Variants in OPCML observed in about 807,000 individuals in gnomAD.
OPCML encodes the protein opioid-binding protein/cell adhesion molecule.
Under a neutral mutation model 37.8 loss-of-function variants are expected in OPCML, and 13 were observed. The ratio of observed to expected loss-of-function variants is 0.34; its 90% confidence interval spans 0.22 to 0.55. The LOEUF (loss-of-function observed/expected upper bound fraction) is 0.55, where lower values mean the gene tolerates loss of function less well. OPCML is among the 20% of genes least tolerant of loss of function. The pLI is 0.91. For missense variants in OPCML, 341 were observed against 435.6 expected (o/e 0.78, Z 1.93); for synonymous variants, 176 against 168.8 (o/e 1.04, Z -0.33).
intron 1 of OPCML, among the ~76,000 whole-genome samples, chr11:133,357,669 T>C (rs1592229974): frequency 6.6e-6 from 1 of 152,174 alleles, no homozygotes; most frequent in African/African-American, 2.4e-5. Context: ...ACACCCTAAA[T>C]TAGCTGCTGT....
At chr11:132,759,552 T>C (rs1368472321) in intron 2 of OPCML, among the ~76,000 whole-genome samples, 1 of 152,190 alleles carries the variant, frequency 6.6e-6, no homozygotes, top group East Asian at 1.9e-4. Context: ...TCCAAGAATT[T>C]ATCCATTTCT....
chr11:133,056,704 T>G (rs1241468499), intron 1 of OPCML, among the ~76,000 whole-genome samples: 3 of 152,232 alleles, frequency 2.0e-5, no homozygotes, highest in Non-Finnish European at 4.4e-5. Flanking sequence ...GCATGTGCAG[T>G]ACTCAGATGG....
intron 1 of OPCML, among the ~76,000 whole-genome samples, chr11:133,352,577 T>C (rs911413378): frequency 2.0e-5 from 3 of 152,242 alleles, no homozygotes; most frequent in African/African-American, 7.2e-5. Flanking sequence ...TCAGTAAGGA[T>C]GTAAATAGGG....
At chr11:132,958,763 C>T (rs1219136754) in intron 1 of OPCML, among the ~76,000 whole-genome samples, 1 of 152,208 alleles carries the variant, frequency 6.6e-6, no homozygotes, top group African/African-American at 2.4e-5. Context: ...TAACTGTTTA[C>T]AGCAGGGTTT....
At chr11:132,939,912 T>C (rs1042824654) in intron 2 of OPCML, among the ~76,000 whole-genome samples, 2 of 152,222 alleles carry the variant, frequency 1.3e-5, no homozygotes, top group Non-Finnish European at 2.9e-5. Flanking sequence ...ATCAGATTCA[T>C]GGAAGCTATA....
intron 3 of OPCML, among the ~76,000 whole-genome samples, chr11:132,592,288 C>T (rs1483965013): frequency 1.3e-5 from 2 of 152,146 alleles, no homozygotes; most frequent in Non-Finnish European, 2.9e-5. Context: ...AGAGATGGAC[C>T]AGTTCATTGC....
chr11:133,005,064 CCA>C (rs1392670663), intron 1 of OPCML: 28 of 985,206 alleles, frequency 2.8e-5, no homozygotes, highest in Non-Finnish European at 3.4e-5. Flanking sequence ...TTCATGAATG[CCA>C]CACCCTTGCT....
At chr11:133,294,815 CTTTTT>C (rs59382534) in intron 1 of OPCML, among the ~76,000 whole-genome samples, 8 of 56,556 alleles carry the variant, frequency 1.4e-4, no homozygotes, top group Admixed American at 7.3e-4. Flanking sequence ...TTCTTTCTTT[CTTTTT>C]TTTTTTTTTT....
At chr11:133,227,446 G>T (rs1346761945) in intron 1 of OPCML, among the ~76,000 whole-genome samples, 1 of 152,104 alleles carries the variant, frequency 6.6e-6, no homozygotes, top group Non-Finnish European at 1.5e-5. Context: ...AAAGAGAGAG[G>T]TTTTTGCTGA....
At chr11:132,790,057 G>A (rs1374133009) in intron 2 of OPCML, among the ~76,000 whole-genome samples, 1 of 152,078 alleles carries the variant, frequency 6.6e-6, no homozygotes, top group Non-Finnish European at 1.5e-5. Context: ...ACTAAAAATA[G>A]AACTACCATA....
intron 1 of OPCML, among the ~76,000 whole-genome samples, chr11:133,140,531 TAAGAAGAAG>T (rs1168417109): frequency 0.017 from 1,475 of 88,050 alleles, 36 homozygotes; most frequent in African/African-American, 0.053. Flanking sequence ...ATAATAATAA[TAAGAAGAAG>T]AAGAAGAAGA....
intron 1 of OPCML, among the ~76,000 whole-genome samples, chr11:133,001,184 A>C (rs1026795785): frequency 6.6e-6 from 1 of 152,158 alleles, no homozygotes; most frequent in African/African-American, 2.4e-5. Flanking sequence ...AGGGGTCTTT[A>C]AAAAGAAACA....
At chr11:133,273,061 A>G (rs2136485817) in intron 1 of OPCML, among the ~76,000 whole-genome samples, 1 of 152,204 alleles carries the variant, frequency 6.6e-6, no homozygotes, top group East Asian at 1.9e-4. Flanking sequence ...TTAATCTCGG[A>G]AGGCTGCCAG....
rs188033934 is a variant in OPCML at position 132,597,217 on chromosome 11, A to G, written c.379+59870T>C. ...TTTCTGCAGCTACCTCAGCTTAAAA[A>G]CAGCTTGATTTAGACTTTATTACTA... On this transcript the variant is annotated intron_variant, in intron 3 of 7. Coordinates refer to ENST00000524381, the MANE Select transcript of OPCML (RefSeq NM_001012393.5). Among the ~76,000 whole-genome samples the G allele has an allele frequency of 1.6e-4, 25 of 152,350 alleles. No individual in the cohort carries two copies. The East Asian group carries it at 3.1e-3, about 19-fold the overall frequency.
Position 133,283,530 on chromosome 11 carries a change from C to G in OPCML, c.61+248734G>C, listed in dbSNP as rs1199337794. ...CTGTAAAGCCTGCAGAACTAGGGAC[C>G]AATGAAACCTCTTTCCTTTATAAAT... On this transcript the variant is annotated intron_variant, in intron 1 of 7. Coordinates refer to ENST00000524381, the MANE Select transcript of OPCML (RefSeq NM_001012393.5). 3.3e-5 allele frequency among the ~76,000 whole-genome samples: 5 copies of G among 152,200 alleles called. No homozygotes were observed. In the East Asian group the frequency reaches 9.7e-4, roughly 29 times the overall value.
chr11:132,703,178 G>A (rs1395414881), intron 2 of OPCML, among the ~76,000 whole-genome samples: 1 of 152,070 alleles, frequency 6.6e-6, no homozygotes, highest in East Asian at 1.9e-4. Flanking sequence ...AGCCTAGGTA[G>A]TATAGCCTAC....
intron 2 of OPCML, among the ~76,000 whole-genome samples, chr11:132,892,659 C>G (rs565068702): frequency 6.6e-6 from 1 of 152,016 alleles, no homozygotes; most frequent in Non-Finnish European, 1.5e-5. Context: ...CCCAGCTACT[C>G]GGGAGGCTGA....
intron 1 of OPCML, among the ~76,000 whole-genome samples, chr11:133,204,277 G>A (rs12098879): frequency 0.011 from 1,723 of 152,194 alleles, 38 homozygotes; most frequent in African/African-American, 0.039. Context: ...CATGTAAATC[G>A]TTTGTAAGCC....
In OPCML at chr11:132,625,056, T is replaced by C. The variant is rs901855953; in HGVS notation, c.379+32031A>G. Among the ~76,000 whole-genome samples, 3 of 152,150 alleles carry C rather than the reference T, an allele frequency of 2.0e-5. No homozygotes were observed. In the East Asian group the frequency reaches 5.8e-4, roughly 29 times the overall value. ...CTCTTGTTCCCCCCAAAATAATATG[T>C]TTAAACCTACTTTTCTATTATTTTG... On this transcript the variant is annotated intron_variant, in intron 3 of 7. Transcript: ENST00000524381.
Sources: allele counts gnomAD v4.1 joint callset (sites outside exome capture counted in the v4.1 genomes callset), GRCh38; gene constraint gnomAD v4.1.1; transcripts MANE v1.5; gene names NCBI Gene and HGNC (gene_info 2026-07-23, HGNC 2026-07-21).